The following ANXA8 variants were observed in gnomAD, a reference collection of about 807,000 sequenced individuals.
ANXA8 encodes the protein annexin A8.
Under a neutral mutation model 26.8 loss-of-function variants are expected in ANXA8, and 9 were observed. The observed-to-expected ratio is 0.34, with a 90% CI of 0.20 to 0.59. The LOEUF (loss-of-function observed/expected upper bound fraction) is 0.59, where lower values mean the gene tolerates loss of function less well. Ranked by LOEUF, ANXA8 falls within the 20% of genes least tolerant of loss-of-function variation. The probability of loss-of-function intolerance (pLI) is 0.84; values close to 1 mark genes in which losing one functional copy is unlikely to be tolerated. For synonymous variants in ANXA8, 39 were observed against 94.8 expected (o/e 0.41, Z 3.42); for missense variants, 83 against 238.5 (o/e 0.35, Z 4.29).
chr10:47,544,051 A>G, the ANXA8 span, among the ~76,000 whole-genome samples: 4 of 151,190 alleles, frequency 2.6e-5, no homozygotes, highest in Admixed American at 1.3e-4. Context: ...CACAAAGAAG[A>G]GCACAAAGGA....
the ANXA8 span, among the ~76,000 whole-genome samples, chr10:47,967,292 C>T: frequency 6.6e-6 from 1 of 151,194 alleles, no homozygotes; most frequent in African/African-American, 2.4e-5. Flanking sequence ...TGTATAGGCA[C>T]CCTTATTTTT....
chr10:47,651,643 C>A, the ANXA8 span, among the ~76,000 whole-genome samples: 1 of 149,858 alleles, frequency 6.7e-6, no homozygotes, highest in Non-Finnish European at 1.5e-5. Context: ...ACCTGAAATC[C>A]CAGCGCTTTG....
the ANXA8 span, among the ~76,000 whole-genome samples, chr10:47,495,683 G>GGAGGAC: frequency 6.9e-6 from 1 of 145,066 alleles, no homozygotes; most frequent in Non-Finnish European, 1.5e-5. Context: ...AGGAGGAGGA[G>GGAGGAC]GAGGAGGAAA....
the ANXA8 span, chr10:47,563,768 A>C: frequency 1.3e-6 from 1 of 789,090 alleles, no homozygotes; most frequent in Non-Finnish European, 2.3e-6. Context: ...TGCTATAGAA[A>C]TATACCTTAT....
At chr10:47,733,927 C>CA in the ANXA8 span, among the ~76,000 whole-genome samples, 2 of 152,310 alleles carry the variant, frequency 1.3e-5, no homozygotes, top group Non-Finnish European at 2.9e-5. Flanking sequence ...AAACCATCAT[C>CA]AGCTTTACAG....
At chr10:47,737,298 A>G in the ANXA8 span, among the ~76,000 whole-genome samples, 3 of 151,812 alleles carry the variant, frequency 2.0e-5, no homozygotes, top group African/African-American at 7.3e-5. Flanking sequence ...TTTCTGAAAC[A>G]TTTATGATTG....
At chr10:47,605,912 A>T in the ANXA8 span, among the ~76,000 whole-genome samples, 1 of 129,216 alleles carries the variant, frequency 7.7e-6, no homozygotes, top group Non-Finnish European at 1.6e-5. Context: ...CTGAACAAAA[A>T]TGACTTACTA....
chr10:47,522,206 T>A, the ANXA8 span, among the ~76,000 whole-genome samples: 7 of 141,872 alleles, frequency 4.9e-5, 2 homozygotes, highest in Admixed American at 5.0e-4. Context: ...CTGCAATCTT[T>A]ATATTACACA....
chr10:47,482,124 G>A lies in ANXA8; in HGVS notation c.21+1789C>T, dbSNP rs1260086143. ...AGTGGCTCCCTCATCTCCTCCCATC[G>A]CGTTCCTGGCCCAGCTTTGTGCCTA... On this transcript the variant is annotated intron_variant, in intron 1 of 11. Transcript: ENST00000585281. Among the ~76,000 whole-genome samples, 261 of 126,960 alleles carry A rather than the reference G, an allele frequency of 2.1e-3. 23 individuals are homozygous for A. The highest frequency in any genetic ancestry group is 7.6e-3 in the African/African-American group (242 of 31,726). 83.3% of individuals were successfully genotyped at this position (126,960 alleles called of 152,430 possible).
chr10:47,502,206 C>A, the ANXA8 span: 3 of 1,543,668 alleles, frequency 1.9e-6, 1 homozygote, highest in Non-Finnish European at 2.6e-6. Context: ...CCGTCAGGAG[C>A]TGCTCCAGGA....
At chr10:47,519,449 C>G in the ANXA8 span, among the ~76,000 whole-genome samples, 3 of 112,004 alleles carry the variant, frequency 2.7e-5, no homozygotes, top group African/African-American at 1.1e-4. Flanking sequence ...GTCTGGGCAA[C>G]AGAGTGAGAC....
the ANXA8 span, among the ~76,000 whole-genome samples, chr10:47,958,941 C>G: frequency 4.0e-5 from 6 of 150,160 alleles, 1 homozygote; most frequent in South Asian, 2.1e-4. Flanking sequence ...TTATGGGGAT[C>G]GTAATTCAAG....
the ANXA8 span, among the ~76,000 whole-genome samples, chr10:47,500,601 T>TG: frequency 1.7e-5 from 2 of 115,394 alleles, no homozygotes; most frequent in Non-Finnish European, 3.5e-5. Context: ...ACTCATGTGT[T>TG]TTTTTTTTTC....
upstream of ANXA8, among the ~76,000 whole-genome samples, chr10:47,486,145 T>C (rs1305540895): frequency 6.6e-6 from 1 of 151,476 alleles, no homozygotes; most frequent in Non-Finnish European, 1.5e-5. Context: ...TCTAGGATGA[T>C]GAGCAGTGAC....
At chr10:47,742,961 T>C in the ANXA8 span, among the ~76,000 whole-genome samples, 1 of 138,014 alleles carries the variant, frequency 7.2e-6, no homozygotes, top group Non-Finnish European at 1.6e-5. Context: ...GAGACCATCC[T>C]GGTTAACACG....
At chr10:47,593,494 C>A in the ANXA8 span, among the ~76,000 whole-genome samples, 1 of 149,798 alleles carries the variant, frequency 6.7e-6, no homozygotes, top group Non-Finnish European at 1.5e-5. Flanking sequence ...CCAGTGAGGG[C>A]AAGCATGCAC....
At chr10:47,650,062 G>T in the ANXA8 span, among the ~76,000 whole-genome samples, 1,430 of 149,108 alleles carry the variant, frequency 9.6e-3, 13 homozygotes, top group African/African-American at 0.034. Flanking sequence ...ACAAAAATTA[G>T]CTGGGCATGG....
chr10:47,476,644 G>T (rs1839551881), intron 4 of ANXA8, among the ~76,000 whole-genome samples: 1 of 66,162 alleles, frequency 1.5e-5, no homozygotes, highest in African/African-American at 5.7e-5. Flanking sequence ...TAGGGAGCGT[G>T]GGTGTAAAAT....
chr10:47,516,528 G>A, the ANXA8 span, among the ~76,000 whole-genome samples: 14 of 135,268 alleles, frequency 1.0e-4, 4 homozygotes, highest in East Asian at 6.2e-4. Flanking sequence ...AACTAGAGAC[G>A]ATAACAGGAC....
Sources: gnomAD v4.1 joint callset for allele counts (sites outside exome capture counted in the v4.1 genomes callset) on GRCh38, gnomAD v4.1.1 for gene constraint, MANE v1.5 for transcripts, NCBI Gene and HGNC (gene_info 2026-07-23, HGNC 2026-07-21) for gene names.